ZNF143: variants seen among roughly 807,000 people sequenced by gnomAD.
ZNF143 encodes zinc finger protein 143, also known as SPH-binding factor.
Under a neutral mutation model 74.1 loss-of-function variants are expected in ZNF143, and 49 were observed. That is an observed-to-expected ratio of 0.66 (90% CI 0.53 to 0.84). The LOEUF (loss-of-function observed/expected upper bound fraction) is 0.84, where lower values mean the gene tolerates loss of function less well. Ranked by LOEUF, ZNF143 falls within the 40% of genes least tolerant of loss-of-function variation. The probability of loss-of-function intolerance (pLI) is 0.00; values close to 1 mark genes in which losing one functional copy is unlikely to be tolerated. For synonymous variants in ZNF143, 304 were observed against 282.8 expected, an observed-to-expected ratio of 1.07 and a Z score of -0.75; for missense variants, 637 against 793.4, an observed-to-expected ratio of 0.80 and a Z score of 2.37.
intron 1 of ZNF143, among the ~76,000 whole-genome samples, chr11:9,463,378 C>G (rs1050357456): frequency 1.3e-5 from 2 of 152,148 alleles, no homozygotes; most frequent in Non-Finnish European, 2.9e-5. Flanking sequence ...GTGGCTGCAC[C>G]ACGTTTACAT....
intron 14 of ZNF143, among the ~76,000 whole-genome samples, chr11:9,518,323 G>A (rs1187851864): frequency 6.6e-6 from 1 of 152,188 alleles, no homozygotes; most frequent in East Asian, 1.9e-4. Context: ...CCAAATGTTG[G>A]CAAAGATGTG....
At chr11:9,507,839 G>A (rs896575614) in intron 11 of ZNF143, among the ~76,000 whole-genome samples, 3 of 152,116 alleles carry the variant, frequency 2.0e-5, no homozygotes, top group Non-Finnish European at 4.4e-5. Flanking sequence ...CAACTGTTTC[G>A]GAATAATCCT....
chr11:9,516,174 T>G (rs1409367597), intron 13 of ZNF143, 27 bp from the exon 14 acceptor site: 1 of 1,610,096 alleles, frequency 6.2e-7, no homozygotes, highest in Non-Finnish European at 8.5e-7. Context: ...AAACATTGAC[T>G]GCTTTGTAAA....
rs544096652 is a variant in ZNF143, at chr11:9,518,543, G to A, written c.1686+2181G>A. 4.6e-5 allele frequency among the ~76,000 whole-genome samples: 7 copies of A among 152,170 alleles called. No individual in the cohort carries two copies. In the South Asian group the frequency reaches 1.2e-3, roughly 27 times the overall value. On this transcript the variant is annotated intron_variant, in intron 14 of 15. Coordinates refer to ENST00000396602, the MANE Select transcript of ZNF143 (RefSeq NM_003442.6). ...GCGTGGCCAAACATGGTGAAACCCC[G>A]TCTCTAATAAAAATACAAAAACATT...
At chr11:9,470,381 T>C (rs958996444) in intron 1 of ZNF143, among the ~76,000 whole-genome samples, 2 of 152,164 alleles carry the variant, frequency 1.3e-5, no homozygotes, top group African/African-American at 2.4e-5. Context: ...ATAAGTACTG[T>C]GCAGAAACAT....
intron 4 of ZNF143, 74 bp from the exon 5 acceptor site, chr11:9,474,476 G>C: frequency 7.0e-7 from 1 of 1,435,582 alleles, no homozygotes; most frequent in East Asian, 2.3e-5. Flanking sequence ...ATGGTTTATT[G>C]ACTCTTGTTG....
intron 15 of ZNF143, among the ~76,000 whole-genome samples, chr11:9,526,585 ATT>A (rs35509156): frequency 1.4e-5 from 2 of 147,410 alleles, no homozygotes; most frequent in Non-Finnish European, 1.5e-5. Context: ...GCATGTATGA[ATT>A]TTTTTTTTTT....
chr11:9,493,452 C>T (rs1847855226), intron 7 of ZNF143, among the ~76,000 whole-genome samples: 1 of 152,136 alleles, frequency 6.6e-6, no homozygotes, highest in Non-Finnish European at 1.5e-5. Context: ...AATGAACATA[C>T]AGTATGGGGA....
rs12275669 is a variant in ZNF143 at position 9,504,679 on chromosome 11, T to C, written c.1147+3409T>C. On this transcript the variant is annotated intron_variant, in intron 11 of 15. Transcript: ENST00000396602. Reference sequence around the variant, plus strand: ...AGACATTTTTTTCTTTTTTCTTTTTTTTTTTTTTTTTTTGAGACAGCGTCT... The same window carrying C: ...AGACATTTTTTTCTTTTTTCTTTTTCTTTTTTTTTTTTTGAGACAGCGTCT... 1.8e-4 allele frequency among the ~76,000 whole-genome samples: 18 copies of C among 99,068 alleles called. 1 individual carries two copies. The highest frequency in any genetic ancestry group is 1.1e-3 in the South Asian group (3 of 2,666). 65.0% of individuals were successfully genotyped at this position (99,068 alleles called of 152,430 possible).
At chr11:9,520,213 T>A (rs1306618325) in intron 14 of ZNF143, among the ~76,000 whole-genome samples, 4 of 151,368 alleles carry the variant, frequency 2.6e-5, no homozygotes, top group Non-Finnish European at 5.9e-5. Context: ...TTTTTGTATT[T>A]TTAGTAGAGA....
chr11:9,510,429 G>A (rs1021177213), intron 12 of ZNF143, among the ~76,000 whole-genome samples: 8 of 151,946 alleles, frequency 5.3e-5, no homozygotes, highest in Non-Finnish European at 1.0e-4. Context: ...CAGCCCAGAA[G>A]TTCCTATATT....
At chr11:9,494,396 C>A (rs1847887599) in intron 7 of ZNF143, among the ~76,000 whole-genome samples, 1 of 152,154 alleles carries the variant, frequency 6.6e-6, no homozygotes, top group African/African-American at 2.4e-5. Flanking sequence ...GCCTTGACCT[C>A]CCCGGGCTCA....
At chr11:9,493,177 C>T (rs967200497) in intron 7 of ZNF143, among the ~76,000 whole-genome samples, 3 of 150,926 alleles carry the variant, frequency 2.0e-5, no homozygotes, top group Non-Finnish European at 4.4e-5. Context: ...TCAAGCGATT[C>T]TCCTGCCTCA....
At position 9,494,766 on chromosome 11, in the gene ZNF143, G is replaced by A; in HGVS notation, c.765+1G>A. 1.2e-6 allele frequency: 2 copies of A among 1,605,760 alleles called. No homozygotes were observed. The highest frequency in any genetic ancestry group is 1.7e-6 in the Non-Finnish European group (2 of 1,173,092). On this transcript the variant is annotated splice_donor_variant, in intron 8 of 15. Transcript: ENST00000396602. LOFTEE classifies it high-confidence loss of function. ...ATATACAACAGCTCATCATCTCAAG[G>A]TATATATAAAAGAAATGTTCTATCT...
intron 14 of ZNF143, among the ~76,000 whole-genome samples, chr11:9,523,900 T>C (rs1483414630): frequency 6.6e-6 from 1 of 151,074 alleles, no homozygotes; most frequent in Non-Finnish European, 1.5e-5. Context: ...ATACAAAAAT[T>C]AGCCGAGTGA....
intron 1 of ZNF143, among the ~76,000 whole-genome samples, chr11:9,467,769 G>C (rs1856329667): frequency 6.6e-6 from 1 of 151,340 alleles, no homozygotes; most frequent in South Asian, 2.1e-4. Context: ...GCTTGAACTT[G>C]GGAGGTGGAA....
intron 7 of ZNF143, among the ~76,000 whole-genome samples, chr11:9,491,924 C>T (rs1847796321): frequency 6.6e-6 from 1 of 152,070 alleles, no homozygotes; most frequent in African/African-American, 2.4e-5. Flanking sequence ...GCCACTGTGC[C>T]CAGCCTACAT....
chr11:9,472,848 A>G (rs1248703856), intron 3 of ZNF143, 79 bp downstream of exon 3: 2 of 1,001,138 alleles, frequency 2.0e-6, no homozygotes, highest in Non-Finnish European at 2.8e-6. Context: ...AAGCTATACC[A>G]CCTTTCCTAT....
intron 4 of ZNF143, among the ~76,000 whole-genome samples, 194 bp from the exon 5 acceptor site, chr11:9,474,356 C>G (rs1250662048): frequency 6.6e-6 from 1 of 152,110 alleles, no homozygotes; most frequent in Non-Finnish European, 1.5e-5. Context: ...TTTCTAAAAC[C>G]AATATTCTAA....
Sources: allele counts gnomAD v4.1 joint callset (sites outside exome capture counted in the v4.1 genomes callset), GRCh38; gene constraint gnomAD v4.1.1; transcripts MANE v1.5; gene names NCBI Gene and HGNC (gene_info 2026-07-23, HGNC 2026-07-21).